The following CLVS1 variants were observed in gnomAD, a reference collection of about 807,000 sequenced individuals.
The protein encoded by CLVS1 is clavesin-1.
CLVS1 carries 10 observed loss-of-function variants against 33.1 expected under a neutral mutation model. The observed-to-expected ratio is 0.30, with a 90% CI of 0.19 to 0.51. CLVS1 has a LOEUF of 0.51. Ranked by LOEUF, CLVS1 falls within the 20% of genes least tolerant of loss-of-function variation. The pLI is 0.97. For missense variants in CLVS1, 343 were observed against 433.4 expected (o/e 0.79, Z 1.85); for synonymous variants, 163 against 166.1 (o/e 0.98, Z 0.14).
intron 2 of CLVS1, among the ~76,000 whole-genome samples, chr8:61,257,963 GGTGGTGGTA>G (rs1293127126): frequency 6.6e-6 from 1 of 152,098 alleles, no homozygotes; most frequent in Admixed American, 6.6e-5. Flanking sequence ...TGATGATGGT[GGTGGTGGTA>G]GTGACTACTA....
At chr8:61,397,130 T>G (rs1814558249) in intron 3 of CLVS1, among the ~76,000 whole-genome samples, 1 of 152,222 alleles carries the variant, frequency 6.6e-6, no homozygotes, top group Non-Finnish European at 1.5e-5. Context: ...CCAAAGTGAC[T>G]GTGCCATTTT....
intron 2 of CLVS1, among the ~76,000 whole-genome samples, chr8:61,177,009 C>G (rs56146367): frequency 0.2 from 28,202 of 144,378 alleles, 2,774 homozygotes; most frequent in Admixed American, 0.27. Flanking sequence ...GAGTTCCTTG[C>G]GGGAGGTGTG....
At chr8:61,216,860 T>A (rs1808101259) in intron 2 of CLVS1, among the ~76,000 whole-genome samples, 1 of 152,156 alleles carries the variant, frequency 6.6e-6, no homozygotes, top group African/African-American at 2.4e-5. Context: ...TTTTTTTATG[T>A]CAGTATATAG....
chr8:61,324,503 A>G (rs1811308866), intron 2 of CLVS1, among the ~76,000 whole-genome samples: 1 of 152,128 alleles, frequency 6.6e-6, no homozygotes, highest in Non-Finnish European at 1.5e-5. Context: ...AAATGAACTA[A>G]TACAGTAAAT....
At chr8:61,234,540 T>C (rs1808515546) in intron 2 of CLVS1, among the ~76,000 whole-genome samples, 1 of 152,104 alleles carries the variant, frequency 6.6e-6, no homozygotes, top group Non-Finnish European at 1.5e-5. Flanking sequence ...GAGGCACATA[T>C]TGAGACTTTC....
intron 1 of CLVS1, among the ~76,000 whole-genome samples, chr8:61,112,626 C>T (rs1289897652): frequency 6.6e-6 from 1 of 152,106 alleles, no homozygotes; most frequent in Non-Finnish European, 1.5e-5. Context: ...TACTTGTTGC[C>T]TCACTATTCC....
At chr8:61,010,944 C>A in the CLVS1 span, among the ~76,000 whole-genome samples, 1 of 152,178 alleles carries the variant, frequency 6.6e-6, no homozygotes, top group African/African-American at 2.4e-5. Context: ...ATGCAGGGCC[C>A]GGCACACGTT....
chr8:60,971,025 T>C, the CLVS1 span, among the ~76,000 whole-genome samples: 130 of 151,186 alleles, frequency 8.6e-4, no homozygotes, highest in Middle Eastern at 6.8e-3. Context: ...ATTTTAAATG[T>C]CTAACAATCT....
At chr8:61,243,423 C>A (rs1238649123) in intron 2 of CLVS1, among the ~76,000 whole-genome samples, 1 of 152,156 alleles carries the variant, frequency 6.6e-6, no homozygotes. Context: ...AGTCCCTCCT[C>A]ATTCTTTGAT....
At chr8:61,121,441 G>T (rs556397611) in intron 1 of CLVS1, among the ~76,000 whole-genome samples, 1 of 152,286 alleles carries the variant, frequency 6.6e-6, no homozygotes, top group East Asian at 1.9e-4. Flanking sequence ...TTTACTCTGT[G>T]TGTGTGTTTG....
chr8:61,310,557 A>C (rs1810796334), intron 2 of CLVS1, among the ~76,000 whole-genome samples: 1 of 152,236 alleles, frequency 6.6e-6, no homozygotes, highest in South Asian at 2.1e-4. Flanking sequence ...TTCACTTGTC[A>C]CTTGAGGTCT....
intron 3 of CLVS1, among the ~76,000 whole-genome samples, chr8:61,443,590 C>T (rs1268038362): frequency 2.6e-5 from 4 of 152,140 alleles, no homozygotes; most frequent in Non-Finnish European, 5.9e-5. Context: ...ATTCTGTTCC[C>T]TTAATCTATA....
At chr8:61,185,262 C>G (rs890148073) in intron 2 of CLVS1, among the ~76,000 whole-genome samples, 1 of 151,580 alleles carries the variant, frequency 6.6e-6, no homozygotes, top group African/African-American at 2.4e-5. Context: ...CTACCTCAAC[C>G]TCTCAAGTAG....
chr8:61,336,267 G>A (rs749841063), intron 2 of CLVS1, among the ~76,000 whole-genome samples: 2 of 152,228 alleles, frequency 1.3e-5, no homozygotes, highest in Non-Finnish European at 2.9e-5. Flanking sequence ...GGAGTAATGG[G>A]GGTCTGCTTT....
Position 61,376,854 on chromosome 8 carries a change from A to T in CLVS1, c.630+75A>T, listed in dbSNP as rs994217900. On this transcript the variant is annotated intron_variant, in intron 3 of 5. Coordinates refer to ENST00000325897, the MANE Select transcript of CLVS1 (RefSeq NM_173519.3). Reference sequence around the variant, plus strand: ...TTAAAAAATTATCGCAACCAAAGTAATATTTATCCTTTGGAGTGGAAAAAG... The same window carrying T: ...TTAAAAAATTATCGCAACCAAAGTATTATTTATCCTTTGGAGTGGAAAAAG... 58 of 1,331,428 alleles carry T rather than the reference A, an allele frequency of 4.4e-5. No individual in the cohort carries two copies. The African/African-American group carries it at 8.0e-4, about 18-fold the overall frequency. 82.5% of individuals were successfully genotyped at this position (1,331,428 alleles called of 1,614,324 possible).
chr8:60,972,409 CTTAAAA>C, the CLVS1 span, among the ~76,000 whole-genome samples: 1 of 152,086 alleles, frequency 6.6e-6, no homozygotes, highest in Non-Finnish European at 1.5e-5. Context: ...AACTTAAAAA[CTTAAAA>C]TTAATAAGTT....
chr8:61,328,357 G>A (rs1811462003), intron 2 of CLVS1, among the ~76,000 whole-genome samples: 1 of 152,160 alleles, frequency 6.6e-6, no homozygotes, highest in African/African-American at 2.4e-5. Context: ...AATGGGGTAT[G>A]TTTTGTGGCT....
intron 2 of CLVS1, among the ~76,000 whole-genome samples, chr8:61,177,781 G>A (rs1178586453): frequency 3.4e-5 from 5 of 148,004 alleles, no homozygotes; most frequent in Admixed American, 6.8e-5. Flanking sequence ...CAAACACAAC[G>A]GAAAGAAACA....
chr8:61,249,027 C>T (rs2129315701), intron 2 of CLVS1, among the ~76,000 whole-genome samples: 1 of 152,138 alleles, frequency 6.6e-6, no homozygotes, highest in South Asian at 2.1e-4. Context: ...AACCTGTCAC[C>T]TACGTTAGAT....
Sources: gnomAD v4.1 joint callset for allele counts (sites outside exome capture counted in the v4.1 genomes callset) on GRCh38, gnomAD v4.1.1 for gene constraint, MANE v1.5 for transcripts, NCBI Gene and HGNC (gene_info 2026-07-23, HGNC 2026-07-21) for gene names.